ABCC4: variants seen among roughly 807,000 people sequenced by gnomAD.
ABCC4 encodes ATP-binding cassette sub-family C member 4.
A neutral mutation model predicts 168.5 loss-of-function variants in ABCC4; 102 were observed. That is an observed-to-expected ratio of 0.61 (90% CI 0.52 to 0.71). ABCC4 has a LOEUF of 0.71. Ranked by LOEUF, ABCC4 falls within the 30% of genes least tolerant of loss-of-function variation. ABCC4 has a pLI of 0.00. For synonymous variants in ABCC4, 617 were observed against 590.7 expected (o/e 1.04, Z -0.65); for missense variants, 1,402 against 1,605.8 (o/e 0.87, Z 2.17).
At chr13:95,059,867 T>C (rs1287184631) in intron 26 of ABCC4, among the ~76,000 whole-genome samples, 1 of 152,188 alleles carries the variant, frequency 6.6e-6, no homozygotes, top group African/African-American at 2.4e-5. Context: ...CATGTTCTCA[T>C]CTAGTAAAAT....
Position 95,194,883 on chromosome 13 carries a change from C to T in ABCC4, c.1216G>A (p.Gly406Ser). The T allele has an allele frequency of 6.2e-7, 1 of 1,614,108 alleles. No individual in the cohort carries two copies. Among genetic ancestry groups the T allele is most frequent in the Non-Finnish European group, 8.5e-7 (1 of 1,180,014 alleles). ...SQRNRQLPSD[G>S]KKMVHVQDFT... ...TCCTGCACATGCACCATCTTTTTAC[C>T]ATCTGACGGCAGCTGACGGTTGCGC... The change falls in exon 9 of 31, where the codon GGT becomes AGT. Residue 406 changes from glycine (G) to serine (S), a missense_variant. Gly to Ser is a moderately conservative substitution (Grantham distance 56). Transcript: ENST00000645237.
At chr13:95,143,372 C>A (rs1298651166) in intron 19 of ABCC4, among the ~76,000 whole-genome samples, 1 of 152,164 alleles carries the variant, frequency 6.6e-6, no homozygotes, top group Non-Finnish European at 1.5e-5. Flanking sequence ...AGTTCAACTG[C>A]ATTTCCAAAA....
At chr13:95,250,412 G>A (rs571620760) in intron 1 of ABCC4, among the ~76,000 whole-genome samples, 5 of 152,254 alleles carry the variant, frequency 3.3e-5, no homozygotes, top group African/African-American at 7.2e-5. Context: ...TCCCCATTAT[G>A]CCTGGTATGT....
Position 95,075,545 on chromosome 13 carries a change from C to G in ABCC4, c.2693G>C (p.Ser898Thr). Reference protein sequence around the residue: ...DVKRLESTTRSPVFSHLSSSL... With the variant: ...DVKRLESTTRTPVFSHLSSSL... ...AGATGATAAGTGGGAAAACACTGGACTCCGAGCTGGGGAAACAGACAGAGA... is the reference window on the plus strand; with the variant it reads ...AGATGATAAGTGGGAAAACACTGGAGTCCGAGCTGGGGAAACAGACAGAGA... The change falls in exon 22 of 31, where the codon AGT (serine) becomes ACT (threonine). Residue 898 changes from serine to threonine, a missense_variant. Ser to Thr is a moderately conservative substitution (Grantham distance 58). Coordinates refer to ENST00000645237, the MANE Select transcript of ABCC4 (RefSeq NM_005845.5). 1.2e-6 allele frequency: 2 copies of G among 1,614,090 alleles called. No homozygotes were observed. Among genetic ancestry groups the G allele is most frequent in the Non-Finnish European group, 1.7e-6 (2 of 1,179,976 alleles).
At chr13:95,047,468 T>C (rs1040138611) in intron 27 of ABCC4, among the ~76,000 whole-genome samples, 1 of 138,070 alleles carries the variant, frequency 7.2e-6, no homozygotes, top group Non-Finnish European at 1.5e-5. Flanking sequence ...AATGAAATAC[T>C]GCCTATTCTT....
intron 19 of ABCC4, among the ~76,000 whole-genome samples, chr13:95,116,431 T>A (rs915178155): frequency 1.3e-5 from 2 of 152,196 alleles, no homozygotes; most frequent in African/African-American, 4.8e-5. Context: ...ATATTTTTTA[T>A]ATAAACATAA....
intron 1 of ABCC4, among the ~76,000 whole-genome samples, chr13:95,270,629 G>A (rs2040823768): frequency 6.6e-6 from 1 of 152,164 alleles, no homozygotes. Context: ...CAGGGCCCAC[G>A]CATGAGATCT....
At chr13:95,043,462 A>G (rs1339586613) in intron 29 of ABCC4, 1 of 454,604 alleles carries the variant, frequency 2.2e-6, no homozygotes, top group Non-Finnish European at 3.9e-6. Flanking sequence ...AACTTTTAAC[A>G]TATGATTTTT....
chr13:95,205,171 G>C (rs1317798517), intron 8 of ABCC4, among the ~76,000 whole-genome samples: 1 of 152,174 alleles, frequency 6.6e-6, no homozygotes, highest in African/African-American at 2.4e-5. Flanking sequence ...CTGTTTTATA[G>C]GTAATATTTT....
chr13:95,251,850 G>C (rs1473341765), intron 1 of ABCC4, among the ~76,000 whole-genome samples: 3 of 152,190 alleles, frequency 2.0e-5, no homozygotes, highest in African/African-American at 7.2e-5. Context: ...GCTTTCCACA[G>C]GTTGAGTTAC....
intron 19 of ABCC4, among the ~76,000 whole-genome samples, chr13:95,139,138 G>T (rs1184917251): frequency 6.6e-6 from 1 of 152,214 alleles, no homozygotes; most frequent in African/African-American, 2.4e-5. Flanking sequence ...CAAACACAGT[G>T]CCTAACTCAA....
In ABCC4 at chr13:95,237,739, C is replaced by T. The variant is rs9590208; in HGVS notation, c.307-2905G>A. Among the ~76,000 whole-genome samples the T allele has an allele frequency of 7.4e-3, 1,133 of 152,234 alleles. 11 individuals carry two copies. The highest frequency in any genetic ancestry group is 0.025 in the African/African-American group (1,057 of 41,518). Reference sequence around the variant, plus strand: ...CGGCCTCCATGCTCCTGCTCCCCCACGCACTTCAGATATTCCTTGCCCAAC... The same window carrying T: ...CGGCCTCCATGCTCCTGCTCCCCCATGCACTTCAGATATTCCTTGCCCAAC... On this transcript the variant is annotated intron_variant, in intron 3 of 30. Transcript: ENST00000645237.
In ABCC4 at chr13:95,102,111, T is replaced by C. The variant is rs2034830385; in HGVS notation, c.2535+13811A>G. On this transcript the variant is annotated intron_variant, in intron 20 of 30. Coordinates refer to ENST00000645237, the MANE Select transcript of ABCC4 (RefSeq NM_005845.5). ...GAAGGATGATTCCAAGCCTCTCCCA[T>C]TCCATCCTACACTACACTTGAAATT... Among the ~76,000 whole-genome samples the C allele has an allele frequency of 2.0e-5, 3 of 152,292 alleles. No individual in the cohort carries two copies. In the South Asian group the frequency reaches 6.2e-4, roughly 32 times the overall value.
In ABCC4 at chr13:95,163,613, T is replaced by C. The variant is rs776054910; in HGVS notation, c.2210A>G (p.Tyr737Cys). The C allele has an allele frequency of 5.0e-6, 8 of 1,612,104 alleles. No individual in the cohort carries two copies. The highest frequency in any genetic ancestry group is 6.8e-6 in the Non-Finnish European group (8 of 1,178,726). The change falls in exon 17 of 31, where the codon TAC becomes TGC. Residue 737 changes from tyrosine to cysteine, a missense_variant. Physicochemically the swap from Tyr to Cys is radical, Grantham distance 194 (BLOSUM62 -2). Transcript: ENST00000645237. ...AYVLQDWWLS[Y>C]WANKQSMLNV... ...CATCAGACCAGAAATAACTTACCAG[T>C]ATGAAAGCCACCAATCTTGAAGCAC...
chr13:95,177,936 C>T, intron 12 of ABCC4, 61 bp downstream of exon 12: 3 of 1,561,616 alleles, frequency 1.9e-6, no homozygotes, highest in Admixed American at 3.3e-5. Flanking sequence ...GTCCTATGTG[C>T]TCACCACCAC....
Position 95,073,319 on chromosome 13 carries a change from A to G in ABCC4, c.2918-15T>C, listed in dbSNP as rs767627685. The G allele has an allele frequency of 6.2e-7, 1 of 1,604,130 alleles. No individual in the cohort carries two copies. Among genetic ancestry groups the G allele is most frequent in the South Asian group, 1.1e-5 (1 of 90,160 alleles). ...GGCATCCAGAGCTACGTAAGGAGGA[A>G]GAAGGGAATAAAGTCAGTCTCACTT... is the stretch of plus-strand genomic sequence containing the variant. On this transcript the variant is annotated splice_polypyrimidine_tract_variant and intron_variant, in intron 23 of 30. Transcript: ENST00000645237.
chr13:95,106,078 A>C (rs998696375), intron 20 of ABCC4, among the ~76,000 whole-genome samples: 1 of 152,102 alleles, frequency 6.6e-6, no homozygotes, highest in Non-Finnish European at 1.5e-5. Flanking sequence ...TTAAAATTAC[A>C]AGATGAGCTG....
rs534317146 is a variant in ABCC4 at position 95,197,818 on chromosome 13, T to C, written c.1162-2881A>G. Among the ~76,000 whole-genome samples the C allele has an allele frequency of 1.6e-4, 24 of 152,284 alleles. No homozygotes were observed. In the South Asian group the frequency reaches 4.8e-3, roughly 30 times the overall value. On this transcript the variant is annotated intron_variant, in intron 8 of 30. Coordinates refer to ENST00000645237, the MANE Select transcript of ABCC4 (RefSeq NM_005845.5). Reference sequence around the variant, plus strand: ...TAAGATAAGATCTCTTAAAATCCTATTGGACTTGCTTAATGCCAAGACCAT... The same window carrying C: ...TAAGATAAGATCTCTTAAAATCCTACTGGACTTGCTTAATGCCAAGACCAT...
At chr13:95,298,585 A>G (rs2041596739) in intron 1 of ABCC4, among the ~76,000 whole-genome samples, 1 of 152,194 alleles carries the variant, frequency 6.6e-6, no homozygotes, top group Non-Finnish European at 1.5e-5. Context: ...CCTAAAGCAC[A>G]CTAATAGTTG....
Sources: allele counts gnomAD v4.1 joint callset (sites outside exome capture counted in the v4.1 genomes callset), GRCh38; gene constraint gnomAD v4.1.1; transcripts MANE v1.5; gene names NCBI Gene and HGNC (gene_info 2026-07-23, HGNC 2026-07-21).